Variants in CLIP1 observed in about 807,000 individuals in gnomAD.
CLIP1 encodes CAP-Gly domain-containing linker protein 1.
CLIP1 carries 66 observed loss-of-function variants against 161.6 expected under a neutral mutation model. The ratio of observed to expected loss-of-function variants is 0.41; its 90% CI spans 0.33 to 0.50. The LOEUF (loss-of-function observed/expected upper bound fraction) is 0.50. Ranked by LOEUF, CLIP1 falls within the 20% of genes least tolerant of loss-of-function variation. The probability of loss-of-function intolerance (pLI) is 0.27; values close to 1 mark genes in which losing one functional copy is unlikely to be tolerated. For missense variants in CLIP1, 1,376 were observed against 1,702.0 expected (o/e 0.81, Z 3.37); for synonymous variants, 598 against 626.2 (o/e 0.96, Z 0.67).
In CLIP1 at chr12:122,275,642, G is replaced by GCACACACACACA. The variant is rs1391112059; in HGVS notation, c.3967-1481_3967-1480insTGTGTGTGTGTG. 1,063 of 110,022 alleles carry GCACACACACACA rather than the reference G, an allele frequency of 9.7e-3. 7 individuals are homozygous for GCACACACACACA. Among genetic ancestry groups the GCACACACACACA allele is most frequent in the Non-Finnish European group, 0.013 (748 of 55,634 alleles). 6.8% of individuals were successfully genotyped at this position (110,022 alleles called of 1,614,324 possible). A position where few individuals can be genotyped will look rare whatever the true frequency, so the allele number is the denominator to read the frequency against. ...GAAAAAAATACACACACACACACAC[G>GCACACACACACA]CGCACACACACACACACACACACAC... On this transcript the variant is annotated intron_variant, in intron 24 of 25. Transcript: ENST00000620786.
intron 1 of CLIP1, among the ~76,000 whole-genome samples, chr12:122,417,748 G>A (rs901577972): frequency 1.1e-4 from 16 of 152,024 alleles, no homozygotes; most frequent in Admixed American, 9.2e-4. Flanking sequence ...TCCTGACCTC[G>A]TGATCCACCC....
intron 20 of CLIP1, among the ~76,000 whole-genome samples, chr12:122,293,547 C>T (rs1222371019): frequency 6.6e-6 from 1 of 151,564 alleles, no homozygotes; most frequent in African/African-American, 2.4e-5. Context: ...GGCGCAATCT[C>T]GGCTCACTGC....
intron 13 of CLIP1, among the ~76,000 whole-genome samples, chr12:122,334,438 C>T (rs1159526252): frequency 3.3e-5 from 5 of 152,144 alleles, no homozygotes; most frequent in Non-Finnish European, 7.3e-5. Flanking sequence ...CATTTTAATA[C>T]AGAACAAGCC....
chr12:122,324,839 C>A (rs916264549), intron 17 of CLIP1, among the ~76,000 whole-genome samples: 2 of 152,194 alleles, frequency 1.3e-5, no homozygotes, highest in Admixed American at 6.5e-5. Context: ...AAATAAACTA[C>A]TGCCTTCCAA....
At chr12:122,327,060 A>C (rs1951735363) in intron 17 of CLIP1, among the ~76,000 whole-genome samples, 1 of 152,222 alleles carries the variant, frequency 6.6e-6, no homozygotes, top group Non-Finnish European at 1.5e-5. Context: ...ACACATTAAA[A>C]ATAAAGAAAG....
intron 20 of CLIP1, among the ~76,000 whole-genome samples, chr12:122,303,393 C>T (rs921555583): frequency 2.0e-5 from 3 of 152,080 alleles, no homozygotes; most frequent in African/African-American, 7.2e-5. Flanking sequence ...CTCACATATA[C>T]CGTGAGTTTC....
chr12:122,390,279 C>CATATATATATATATATATAT (rs1179187571), intron 1 of CLIP1, among the ~76,000 whole-genome samples: 7 of 78,984 alleles, frequency 8.9e-5, no homozygotes, highest in Non-Finnish European at 1.4e-4. Context: ...TATATATATA[C>CATATATATATATATATATAT]ATATATATAT....
At chr12:122,402,502 G>A (rs140221877) in intron 1 of CLIP1, among the ~76,000 whole-genome samples, 4 of 151,828 alleles carry the variant, frequency 2.6e-5, no homozygotes, top group African/African-American at 4.8e-5. Context: ...CTGCCTGGGC[G>A]TGCTGGTTCA....
rs906226836 is a variant in CLIP1 at position 122,366,625 on chromosome 12, G to C, written c.658-2518C>G. Among the ~76,000 whole-genome samples the C allele has an allele frequency of 2.6e-5, 4 of 152,338 alleles. No homozygotes were observed. The South Asian group carries it at 6.2e-4, about 24-fold the overall frequency. ...GGAGGCCAAGGCAGGCGGATCACTT[G>C]AGGCCAGGAGTTCGAGACCAGCTTG... On this transcript the variant is annotated intron_variant, in intron 3 of 25. Coordinates refer to ENST00000620786, the MANE Select transcript of CLIP1 (RefSeq NM_001247997.2).
At chr12:122,318,944 C>G (rs2063510) in intron 18 of CLIP1, among the ~76,000 whole-genome samples, 73,760 of 152,000 alleles carry the variant, frequency 0.49, 20,483 homozygotes, top group African/African-American at 0.75. Flanking sequence ...GATGTAAGAT[C>G]AAGGATACAA....
At position 122,319,368 on chromosome 12, in the gene CLIP1, G is replaced by A; in HGVS notation, c.3250-20C>T. On this transcript the variant is annotated intron_variant, in intron 17 of 25. Coordinates refer to ENST00000620786, the MANE Select transcript of CLIP1 (RefSeq NM_001247997.2). ...AGCAGCCTAAATACAAGGAAACACT[G>A]TGAGAAATGAGGACAGCCCTCGCCA... 1 of 1,580,532 alleles carries A rather than the reference G, an allele frequency of 6.3e-7. No homozygotes were observed. Among genetic ancestry groups the A allele is most frequent in the Non-Finnish European group, 8.7e-7 (1 of 1,149,624 alleles).
At chr12:122,378,119 C>T (rs1281466607) in intron 2 of CLIP1, among the ~76,000 whole-genome samples, 159 bp from the exon 3 acceptor site, 3 of 152,180 alleles carry the variant, frequency 2.0e-5, no homozygotes, top group African/African-American at 7.2e-5. Flanking sequence ...GACAGTCTCG[C>T]TCTGTCGCCC....
intron 21 of CLIP1, among the ~76,000 whole-genome samples, chr12:122,283,461 CT>C (rs1305137720): frequency 9.1e-4 from 127 of 140,180 alleles, no homozygotes; most frequent in Non-Finnish European, 1.1e-3. Context: ...TCTTTCTTTT[CT>C]TTTTTTTTTT....
At chr12:122,278,770 G>A in intron 23 of CLIP1, 22 bp downstream of exon 23, 5 of 1,568,876 alleles carry the variant, frequency 3.2e-6, no homozygotes, top group South Asian at 1.2e-5. Context: ...GTACAGAGAA[G>A]CACTGGGCAG....
At chr12:122,375,331 C>A (rs868841280) in intron 3 of CLIP1, among the ~76,000 whole-genome samples, 1 of 92,318 alleles carries the variant, frequency 1.1e-5, no homozygotes. Flanking sequence ...TTTTTTTTTT[C>A]TTTGACATAG....
chr12:122,377,364 G>A, intron 3 of CLIP1, 25 bp downstream of exon 3: 1 of 1,583,134 alleles, frequency 6.3e-7, no homozygotes, highest in Non-Finnish European at 8.6e-7. Flanking sequence ...TCAATGAAAT[G>A]ACCTCAGAAT....
At chr12:122,396,771 A>AT (rs544503896) in intron 1 of CLIP1, 2,810 of 141,586 alleles carry the variant, frequency 0.02, 93 homozygotes, top group African/African-American at 0.059. Flanking sequence ...GTTGTTGTTT[A>AT]TTTTTTTTTT....
intron 11 of CLIP1, among the ~76,000 whole-genome samples, chr12:122,340,371 G>A (rs1317710844): frequency 6.6e-6 from 1 of 152,140 alleles, no homozygotes; most frequent in Non-Finnish European, 1.5e-5. Flanking sequence ...GAGCCACTGC[G>A]CCTGGCCGAT....
At position 122,390,267 on chromosome 12, in the gene CLIP1, C is replaced by T. The variant is rs11615267; in HGVS notation, c.-106-9709G>A. On this transcript the variant is annotated intron_variant, in intron 1 of 25. Coordinates refer to ENST00000620786, the MANE Select transcript of CLIP1 (RefSeq NM_001247997.2). ...ATATATATACACATATATACACACA[C>T]ATATATATATACATATATATATATA... Among the ~76,000 whole-genome samples the T allele has an allele frequency of 6.4e-3, 457 of 71,256 alleles. 3 individuals carry two copies. Among genetic ancestry groups the T allele is most frequent in the East Asian group, 0.042 (67 of 1,604 alleles). 46.7% of individuals were successfully genotyped at this position (71,256 alleles called of 152,430 possible).
Sources: allele counts gnomAD v4.1 joint callset (sites outside exome capture counted in the v4.1 genomes callset), GRCh38; gene constraint gnomAD v4.1.1; transcripts MANE v1.5; gene names NCBI Gene and HGNC (gene_info 2026-07-23, HGNC 2026-07-21).